Variants in PARVB observed in about 807,000 individuals in gnomAD.
The protein encoded by PARVB is beta-parvin.
PARVB carries 46 observed loss-of-function variants against 47.0 expected under a neutral mutation model. The ratio of observed to expected loss-of-function variants is 0.98; its 90% CI spans 0.77 to 1.25. The LOEUF is 1.25. Ranked by LOEUF, PARVB falls within the 50% of genes most tolerant of loss-of-function variation. PARVB has a pLI of 0.00. For missense variants in PARVB, 473 were observed against 471.6 expected (o/e 1.00, Z -0.03); for synonymous variants, 196 against 196.3 (o/e 1.00, Z 0.01).
intron 1 of PARVB, among the ~76,000 whole-genome samples, chr22:44,083,393 G>C (rs1339637735): frequency 6.6e-6 from 1 of 152,186 alleles, no homozygotes; most frequent in Non-Finnish European, 1.5e-5. Context: ...AATGGGACCT[G>C]GCCCCTGTGC....
At chr22:43,999,463 G>C in intron 1 of PARVB, 1 of 1,574,552 alleles carries the variant, frequency 6.4e-7, no homozygotes, top group Non-Finnish European at 8.7e-7. Context: ...GTTGTACTCA[G>C]AAGTCCAAAT....
At chr22:44,081,175 C>T (rs1601572776) in intron 1 of PARVB, among the ~76,000 whole-genome samples, 1 of 152,246 alleles carries the variant, frequency 6.6e-6, no homozygotes, top group South Asian at 2.1e-4. Context: ...CCCGGTGGGG[C>T]CCAAGGCAGT....
intron 4 of PARVB, among the ~76,000 whole-genome samples, chr22:44,129,493 C>T (rs953654050): frequency 1.3e-5 from 2 of 152,290 alleles, no homozygotes; most frequent in East Asian, 3.9e-4. Context: ...AACGGGGGCG[C>T]GTCAGGCTTC....
chr22:44,136,609 C>T (rs1048435146), intron 7 of PARVB, 91 bp downstream of exon 7: 56 of 1,031,822 alleles, frequency 5.4e-5, no homozygotes, highest in Non-Finnish European at 8.3e-5. Flanking sequence ...CACCAGCGCC[C>T]ATGGGGCTGC....
At chr22:44,066,102 G>T (rs1251121726) in intron 1 of PARVB, among the ~76,000 whole-genome samples, 1 of 152,220 alleles carries the variant, frequency 6.6e-6, no homozygotes, top group Non-Finnish European at 1.5e-5. Context: ...TGGCGCTACA[G>T]CAAACATCTA....
intron 2 of PARVB, among the ~76,000 whole-genome samples, chr22:44,005,734 C>T (rs939084553): frequency 6.6e-6 from 1 of 152,138 alleles, no homozygotes; most frequent in African/African-American, 2.4e-5. Flanking sequence ...TGGTCCCCTC[C>T]CACAACCAAT....
chr22:44,116,157 C>T (rs1018258121), intron 3 of PARVB: 5 of 152,342 alleles, frequency 3.3e-5, no homozygotes, highest in African/African-American at 1.2e-4. Context: ...TTCTGTTGAC[C>T]TTGACAGTTT....
intron 3 of PARVB, chr22:44,107,323 T>G (rs1204821355): frequency 6.6e-6 from 1 of 152,270 alleles, no homozygotes; most frequent in East Asian, 1.9e-4. Flanking sequence ...ACTTTAAATT[T>G]TTAATGATTC....
chr22:44,044,900 T>C (rs1323980006), intron 1 of PARVB, among the ~76,000 whole-genome samples: 2 of 152,250 alleles, frequency 1.3e-5, no homozygotes, highest in Non-Finnish European at 2.9e-5. Flanking sequence ...AAAAGTTTCA[T>C]GAAATGATAT....
chr22:44,034,298 T>G (rs977713409), intron 1 of PARVB, among the ~76,000 whole-genome samples: 4 of 123,680 alleles, frequency 3.2e-5, no homozygotes, highest in Non-Finnish European at 7.0e-5. Flanking sequence ...TTTATACATA[T>G]ATATGTTTGA....
At chr22:44,088,769 G>C (rs1218608036) in intron 1 of PARVB, among the ~76,000 whole-genome samples, 1 of 152,178 alleles carries the variant, frequency 6.6e-6, no homozygotes, top group Non-Finnish European at 1.5e-5. Flanking sequence ...ACCGTGCCCG[G>C]CCTCCCTCAG....
intron 9 of PARVB, chr22:44,150,351 C>G (rs558500231): frequency 6.6e-5 from 10 of 151,836 alleles, no homozygotes; most frequent in African/African-American, 2.4e-4. Context: ...GAGAGATCAC[C>G]CTGGGTGGAT....
rs1569134293 is a variant in PARVB at position 44,122,522 on chromosome 22, GAGAGAC to G, written c.376+3388_376+3393del. Among the ~76,000 whole-genome samples, 69 of 78,230 alleles carry G rather than the reference GAGAGAC, an allele frequency of 8.8e-4. 2 individuals carry two copies. Among genetic ancestry groups the G allele is most frequent in the African/African-American group, 3.6e-3 (55 of 15,432 alleles). 51.3% of individuals were successfully genotyped at this position (78,230 alleles called of 152,430 possible). A position where few individuals can be genotyped will look rare whatever the true frequency, so the allele number is the denominator to read the frequency against. ...AGAGAGAGAGAGAGAGAGAGAGACA[GAGAGAC>G]AGAGAGAGAGAGAGAGAGAGAGAGA... On this transcript the variant is annotated intron_variant, in intron 4 of 12. Transcript: ENST00000338758.
chr22:44,168,549 C>A (rs901541495), intron 12 of PARVB, 53 bp from the exon 13 acceptor site: 4 of 1,200,786 alleles, frequency 3.3e-6, no homozygotes, highest in African/African-American at 1.5e-5. Context: ...GAGTACCTAC[C>A]GCAATGACAG....
At chr22:44,166,586 C>T (rs1158068670) in intron 12 of PARVB, among the ~76,000 whole-genome samples, 1 of 152,250 alleles carries the variant, frequency 6.6e-6, no homozygotes, top group Non-Finnish European at 1.5e-5. Context: ...AGGCCAGAGG[C>T]AGAGGCACTG....
rs368478945 is a variant in PARVB at position 44,086,557 on chromosome 22, G to A, written c.113-7371G>A. 8.2e-4 allele frequency: 130 copies of A among 158,814 alleles called. 1 individual carries two copies. In the Middle Eastern group the frequency reaches 0.016, roughly 20 times the overall value. 9.8% of individuals were successfully genotyped at this position (158,814 alleles called of 1,614,324 possible). A position where few individuals can be genotyped will look rare whatever the true frequency, so the allele number is the denominator to read the frequency against. On this transcript the variant is annotated intron_variant, in intron 1 of 12. Coordinates refer to ENST00000338758, the MANE Select transcript of PARVB (RefSeq NM_013327.5). ...CTCAGCCCTTTGAATTATGATCCGC[G>A]ACTCCCTCCAATCACCTTCCTTCTG...
At chr22:44,081,090 C>T (rs919027637) in intron 1 of PARVB, among the ~76,000 whole-genome samples, 2 of 152,168 alleles carry the variant, frequency 1.3e-5, no homozygotes, top group African/African-American at 2.4e-5. Context: ...GTGGGGACCC[C>T]TGTGGGCCGT....
At chr22:44,119,663 C>T in intron 4 of PARVB, 1 of 441,912 alleles carries the variant, frequency 2.3e-6, no homozygotes, top group South Asian at 1.6e-5. Flanking sequence ...GTTGTTTATT[C>T]ATCAGATGTT....
At chr22:44,140,319 G>T in intron 8 of PARVB, 176 bp downstream of exon 8, 1 of 740,358 alleles carries the variant, frequency 1.4e-6, no homozygotes, top group Non-Finnish European at 2.5e-6. Context: ...TCTGTATAAT[G>T]GGCTTGTTTC....
Sources: gnomAD v4.1 joint callset for allele counts (sites outside exome capture counted in the v4.1 genomes callset) on GRCh38, gnomAD v4.1.1 for gene constraint, MANE v1.5 for transcripts, NCBI Gene and HGNC (gene_info 2026-07-23, HGNC 2026-07-21) for gene names.